GRAMD1B: variants seen among roughly 807,000 people sequenced by gnomAD.
GRAMD1B encodes the protein protein Aster-B.
Under a neutral mutation model 99.7 loss-of-function variants are expected in GRAMD1B, and 37 were observed. The ratio of observed to expected loss-of-function variants is 0.37; its 90% CI spans 0.29 to 0.49. GRAMD1B has a LOEUF of 0.49. Among genes scored for constraint, GRAMD1B ranks in the 20% least tolerant of loss-of-function variants. The pLI, the probability that GRAMD1B is intolerant of heterozygous loss-of-function variation, is 0.98. For synonymous variants in GRAMD1B, 427 were observed against 387.6 expected (o/e 1.10, Z -1.19); for missense variants, 888 against 1,009.2 (o/e 0.88, Z 1.63).
intron 1 of GRAMD1B, among the ~76,000 whole-genome samples, chr11:123,366,853 T>G (rs1021777109): frequency 1.3e-5 from 2 of 152,240 alleles, no homozygotes; most frequent in African/African-American, 4.8e-5. Context: ...TTCTTGTTTA[T>G]TTCTGTCATT....
chr11:123,519,312 G>T (rs1336362092), intron 2 of GRAMD1B, among the ~76,000 whole-genome samples: 1 of 152,204 alleles, frequency 6.6e-6, no homozygotes, highest in African/African-American at 2.4e-5. Flanking sequence ...GGAGGGAGAG[G>T]ACAGGGAAGT....
At chr11:123,434,942 A>T (rs1949094343) in intron 1 of GRAMD1B, among the ~76,000 whole-genome samples, 2 of 152,172 alleles carry the variant, frequency 1.3e-5, no homozygotes, top group Admixed American at 6.5e-5. Context: ...CACCTTCTTC[A>T]TTTGTGGAAG....
chr11:123,600,610 C>T (rs1338285814), intron 8 of GRAMD1B, 62 bp downstream of exon 8: 3 of 1,032,922 alleles, frequency 2.9e-6, no homozygotes, highest in African/African-American at 1.6e-5. Context: ...GCCTTTGTCT[C>T]CTCAGGGTTC....
At chr11:123,469,805 T>TTCCTTCCTTCCTTCCTTCCC (rs1950916282) in intron 1 of GRAMD1B, among the ~76,000 whole-genome samples, 1 of 151,132 alleles carries the variant, frequency 6.6e-6, no homozygotes, top group African/African-American at 2.4e-5. Flanking sequence ...CCTTCCTTCC[T>TTCCTTCCTTCCTTCCTTCCC]TCCTTCCTCT....
intron 1 of GRAMD1B, among the ~76,000 whole-genome samples, chr11:123,409,000 T>G (rs1191853569): frequency 6.6e-6 from 1 of 152,234 alleles, no homozygotes; most frequent in Non-Finnish European, 1.5e-5. Context: ...CTCTTTTTTA[T>G]GTTATTATTA....
intron 1 of GRAMD1B, among the ~76,000 whole-genome samples, chr11:123,418,169 GCTTAATGTCAGC>G (rs1263152297): frequency 2.6e-5 from 4 of 152,180 alleles, no homozygotes; most frequent in Non-Finnish European, 4.4e-5. Flanking sequence ...TAAAATGATG[GCTTAATGTCAGC>G]CTTCTAATCA....
chr11:123,455,909 C>T (rs765143536), intron 1 of GRAMD1B, among the ~76,000 whole-genome samples: 5 of 152,112 alleles, frequency 3.3e-5, no homozygotes, highest in Non-Finnish European at 7.3e-5. Flanking sequence ...GTGGCTCGCT[C>T]CTGTAGTCCC....
intron 2 of GRAMD1B, among the ~76,000 whole-genome samples, chr11:123,546,210 C>T (rs1431563149): frequency 1.3e-5 from 2 of 152,300 alleles, no homozygotes; most frequent in African/African-American, 2.4e-5. Flanking sequence ...AGTCTTCTGA[C>T]CTCAGGGAAG....
At chr11:123,397,515 A>T (rs1294533773) in intron 1 of GRAMD1B, among the ~76,000 whole-genome samples, 2 of 152,148 alleles carry the variant, frequency 1.3e-5, no homozygotes, top group East Asian at 1.9e-4. Context: ...ATTCTAGATT[A>T]AAAAAATCTT....
At chr11:123,506,576 G>A (rs1371708774) in intron 2 of GRAMD1B, among the ~76,000 whole-genome samples, 3 of 152,112 alleles carry the variant, frequency 2.0e-5, no homozygotes, top group Middle Eastern at 3.2e-3. Context: ...ATGAGCCTAA[G>A]TTGCAGAAGA....
At chr11:123,377,104 C>A (rs527980594) in intron 1 of GRAMD1B, among the ~76,000 whole-genome samples, 41 of 152,296 alleles carry the variant, frequency 2.7e-4, no homozygotes, top group African/African-American at 9.6e-4. Flanking sequence ...ACAAATTACA[C>A]CTCCCTTTAA....
intron 9 of GRAMD1B, among the ~76,000 whole-genome samples, 176 bp downstream of exon 9, chr11:123,603,717 G>T (rs953856223): frequency 6.6e-6 from 1 of 152,250 alleles, no homozygotes; most frequent in Non-Finnish European, 1.5e-5. Flanking sequence ...GAGCCTAAGG[G>T]CCTGGCCATC....
chr11:123,359,905 G>A (rs1210378375), intron 1 of GRAMD1B, among the ~76,000 whole-genome samples: 2 of 152,164 alleles, frequency 1.3e-5, no homozygotes, highest in Non-Finnish European at 2.9e-5. Flanking sequence ...ATCACCTTTT[G>A]GAGATACAAA....
At position 123,610,100 on chromosome 11, in the gene GRAMD1B, CGTGGG is replaced by C; in HGVS notation, c.1777-85_1777-81del. 1 of 894,452 alleles carries C rather than the reference CGTGGG, an allele frequency of 1.1e-6. No individual in the cohort carries two copies. Among genetic ancestry groups the C allele is most frequent in the Non-Finnish European group, 1.7e-6 (1 of 600,486 alleles). The allele number at this position is 894,452 out of a possible 1,614,324, so 55.4% of individuals were successfully genotyped here. On this transcript the variant is annotated intron_variant, in intron 13 of 19. Transcript: ENST00000635736. This position sits in a 1 kb window ranked among gnomAD's most constrained non-coding sequence, Gnocchi z 4.1. Reference sequence around the variant, plus strand: ...GATCCTGGTTCTCCTGTTCAGAAGCCGTGGGGTGGGGTGGGCTTGGGGAGGCTGGA... The same window carrying C: ...GATCCTGGTTCTCCTGTTCAGAAGCCGTGGGGTGGGCTTGGGGAGGCTGGA...
At chr11:123,568,029 G>T (rs1947589094) in intron 2 of GRAMD1B, among the ~76,000 whole-genome samples, 1 of 152,154 alleles carries the variant, frequency 6.6e-6, no homozygotes, top group Admixed American at 6.5e-5. Flanking sequence ...ACTATTTCTA[G>T]GTATTAAATT....
intron 2 of GRAMD1B, among the ~76,000 whole-genome samples, chr11:123,551,011 G>A (rs1186002925): frequency 6.6e-6 from 1 of 152,224 alleles, no homozygotes; most frequent in Non-Finnish European, 1.5e-5. Flanking sequence ...AGATTTGCCT[G>A]CAGGAGTTTT....
chr11:123,613,095 C>T (rs1406744537), intron 15 of GRAMD1B: 5 of 564,014 alleles, frequency 8.9e-6, no homozygotes, highest in African/African-American at 3.8e-5. Flanking sequence ...ATTGAGGGAT[C>T]TATAAAACAC....
At chr11:123,505,687 G>A (rs1236765531) in intron 2 of GRAMD1B, among the ~76,000 whole-genome samples, 3 of 152,118 alleles carry the variant, frequency 2.0e-5, no homozygotes, top group South Asian at 2.1e-4. Context: ...CTGAGTGGTC[G>A]AGTCAGAATT....
chr11:123,588,909 A>G (rs934594346), intron 4 of GRAMD1B, among the ~76,000 whole-genome samples: 2 of 151,850 alleles, frequency 1.3e-5, no homozygotes, highest in Non-Finnish European at 2.9e-5. Flanking sequence ...GAATATTTGC[A>G]TATATATATA....
Sources: gnomAD v4.1 joint callset for allele counts (sites outside exome capture counted in the v4.1 genomes callset) on GRCh38, gnomAD v4.1.1 for gene constraint, Gnocchi (gnomAD v3.1) non-coding constraint, MANE v1.5 for transcripts, NCBI Gene and HGNC (gene_info 2026-07-23, HGNC 2026-07-21) for gene names.